Variants in OR2T12 observed in about 807,000 individuals in gnomAD.
OR2T12 encodes the protein olfactory receptor family 2 subfamily T member 12.
For synonymous variants in OR2T12, 127 were observed against 160.5 expected, an observed-to-expected ratio of 0.79 and a Z score of 1.58; for missense variants, 335 against 404.3, an observed-to-expected ratio of 0.83 and a Z score of 1.47.
At chr1:248,297,421 T>A (rs1225926862) in intron 2 of OR2T12, among the ~76,000 whole-genome samples, 1 of 151,962 alleles carries the variant, frequency 6.6e-6, no homozygotes, top group Non-Finnish European at 1.5e-5. Context: ...GGGGATGGCA[T>A]TGAATCTATA....
Position 248,292,337 on chromosome 1 carries a change from A to T in OR2T12, c.*2279T>A, listed in dbSNP as rs1659644377. The T allele has an allele frequency of 6.6e-6, 1 of 152,078 alleles. No individual in the cohort carries two copies. Among genetic ancestry groups the T allele is most frequent in the African/African-American group, 2.4e-5 (1 of 41,428 alleles). The allele number at this position is 152,078 out of a possible 1,614,324, so 9.4% of individuals were successfully genotyped here. On this transcript the variant is annotated 3_prime_UTR_variant, in exon 3 of 3. Coordinates refer to ENST00000641276, the MANE Select transcript of OR2T12 (RefSeq NM_001004692.2). ...CCTCATTCAAAATTTTGTTTCTACC[A>T]TTCATGCTCTTGTATACTCTGTCTC...
intron 2 of OR2T12, among the ~76,000 whole-genome samples, chr1:248,299,247 G>A (rs1350454271): frequency 6.6e-6 from 1 of 152,176 alleles, no homozygotes; most frequent in African/African-American, 2.4e-5. Flanking sequence ...TGGCACATTG[G>A]ATAAAGAGTC....
intron 2 of OR2T12, among the ~76,000 whole-genome samples, chr1:248,298,229 G>T (rs1291493518): frequency 6.6e-6 from 1 of 152,120 alleles, no homozygotes; most frequent in Non-Finnish European, 1.5e-5. Flanking sequence ...TAAGCTTTTT[G>T]ATGAGTTGCT....
In OR2T12 at chr1:248,292,978, G is replaced by C. The variant is rs1196403430; in HGVS notation, c.*1638C>G. On this transcript the variant is annotated 3_prime_UTR_variant, in exon 3 of 3. Coordinates refer to ENST00000641276, the MANE Select transcript of OR2T12 (RefSeq NM_001004692.2). ...ACCCATTCTAAGAGAAGATTTTTTA[G>C]ATGGTATAATGACAGAATTTGTGCA... The C allele has an allele frequency of 6.6e-6, 1 of 152,076 alleles. No homozygotes were observed. The highest frequency in any genetic ancestry group is 6.6e-5 in the Admixed American group (1 of 15,266). 9.4% of individuals were successfully genotyped at this position (152,076 alleles called of 1,614,324 possible).
chr1:248,295,666 T>A (rs1413235379), intron 2 of OR2T12, 80 bp from the exon 3 acceptor site: 1 of 1,504,428 alleles, frequency 6.6e-7, no homozygotes, highest in African/African-American at 1.4e-5. Context: ...GCACAGTTTC[T>A]GGACATATGT....
In OR2T12 at chr1:248,292,796, G is replaced by A. The variant is rs1040170085; in HGVS notation, c.*1820C>T. ...GTTTTAGTTTTCTCCTGAACATTAGGCTTAATTTTCTGGTTAGAATATTTT... is the reference window on the plus strand; with the variant it reads ...GTTTTAGTTTTCTCCTGAACATTAGACTTAATTTTCTGGTTAGAATATTTT... On this transcript the variant is annotated 3_prime_UTR_variant, in exon 3 of 3. Coordinates refer to ENST00000641276, the MANE Select transcript of OR2T12 (RefSeq NM_001004692.2). 1.3e-5 allele frequency: 2 copies of A among 151,856 alleles called. No individual in the cohort carries two copies. Among genetic ancestry groups the A allele is most frequent in the Non-Finnish European group, 2.9e-5 (2 of 67,904 alleles). 9.4% of individuals were successfully genotyped at this position (151,856 alleles called of 1,614,324 possible).
rs1279210960 is a variant in OR2T12, at chr1:248,293,905, C to A, written c.*711G>T. 1 of 151,570 alleles carries A rather than the reference C, an allele frequency of 6.6e-6. No individual in the cohort carries two copies. The highest frequency in any genetic ancestry group is 2.4e-5 in the African/African-American group (1 of 41,314). 9.4% of individuals were successfully genotyped at this position (151,570 alleles called of 1,614,324 possible). A position where few individuals can be genotyped will look rare whatever the true frequency, so the allele number is the denominator to read the frequency against. ...ATTTAAAAAAGTTTGCCTTAAAACACCAAATAAAAAGAGACTGGAAAAAAT... is the reference window on the plus strand; with the variant it reads ...ATTTAAAAAAGTTTGCCTTAAAACAACAAATAAAAAGAGACTGGAAAAAAT... On this transcript the variant is annotated 3_prime_UTR_variant, in exon 3 of 3. Transcript: ENST00000641276.
At position 248,291,827 on chromosome 1, in the gene OR2T12, T is replaced by C. The variant is rs1327201363; in HGVS notation, c.*2789A>G. On this transcript the variant is annotated 3_prime_UTR_variant, in exon 3 of 3. Coordinates refer to ENST00000641276, the MANE Select transcript of OR2T12 (RefSeq NM_001004692.2). ...TGACAAACCTGACAAAAACAAGCAA[T>C]GGGGAAAGGATTCCCTATTTAATAA... 6.6e-6 allele frequency: 1 copy of C among 152,088 alleles called. No individual in the cohort carries two copies. Among genetic ancestry groups the C allele is most frequent in the Admixed American group, 6.6e-5 (1 of 15,258 alleles). The allele number at this position is 152,088 out of a possible 1,614,324, so 9.4% of individuals were successfully genotyped here.
At position 248,292,609 on chromosome 1, in the gene OR2T12, T is replaced by C. The variant is rs1331828391; in HGVS notation, c.*2007A>G. On this transcript the variant is annotated 3_prime_UTR_variant, in exon 3 of 3. Transcript: ENST00000641276. ...AATGAACATATAATTTCTAAAAGTA[T>C]TTAAAATTTTTATTTCATATTTATT... 6.6e-6 allele frequency: 1 copy of C among 152,154 alleles called. No homozygotes were observed. The highest frequency in any genetic ancestry group is 2.4e-5 in the African/African-American group (1 of 41,462). 9.4% of individuals were successfully genotyped at this position (152,154 alleles called of 1,614,324 possible).
intron 2 of OR2T12, among the ~76,000 whole-genome samples, chr1:248,296,914 A>T (rs1659736821): frequency 6.6e-6 from 1 of 152,176 alleles, no homozygotes; most frequent in Admixed American, 6.5e-5. Flanking sequence ...TGTTTTAGAC[A>T]TGAAGTCCTT....
At chr1:248,301,252 T>C (rs1659807949) in intron 2 of OR2T12, 121 bp downstream of exon 2, 2 of 152,146 alleles carry the variant, frequency 1.3e-5, no homozygotes, top group Non-Finnish European at 2.9e-5. Context: ...ATGCCTTCTA[T>C]ATTAAGATCC....
chr1:248,296,734 A>G (rs1201209475), intron 2 of OR2T12, among the ~76,000 whole-genome samples: 2 of 151,988 alleles, frequency 1.3e-5, no homozygotes, highest in Non-Finnish European at 2.9e-5. Context: ...GTTTGAGTTC[A>G]TTGTAGATTC....
At position 248,294,922 on chromosome 1, in the gene OR2T12, G is replaced by T; in HGVS notation, c.657C>A (p.Ile219=). ...FSLILSSYGL[I]LAAVLLMRST... ...AGCGCATGAGCAGAACAGCAGCGAG[G>T]ATGAGACCATAGGAGGACAGGATGA... The change falls in exon 3 of 3, where the codon ATC becomes ATA. Residue 219 remains isoleucine (I), a synonymous_variant. Coordinates refer to ENST00000641276, the MANE Select transcript of OR2T12 (RefSeq NM_001004692.2). The T allele has an allele frequency of 1.2e-6, 2 of 1,611,908 alleles. No individual in the cohort carries two copies. The highest frequency in any genetic ancestry group is 2.2e-5 in the South Asian group (2 of 90,986).
chr1:248,298,137 A>G (rs1336811927), intron 2 of OR2T12, among the ~76,000 whole-genome samples: 1 of 152,122 alleles, frequency 6.6e-6, no homozygotes, highest in Non-Finnish European at 1.5e-5. Context: ...GGCTCTGTTT[A>G]TATGCTGGAT....
intron 2 of OR2T12, among the ~76,000 whole-genome samples, chr1:248,299,508 C>G (rs1468986736): frequency 6.6e-6 from 1 of 152,104 alleles, no homozygotes; most frequent in Non-Finnish European, 1.5e-5. Context: ...TATATGCACC[C>G]AATACAGGAG....
In OR2T12 at chr1:248,294,657, T is replaced by C. The variant is rs769669061; in HGVS notation, c.922A>G (p.Asn308Asp). 1.2e-6 allele frequency: 2 copies of C among 1,614,158 alleles called. No individual in the cohort carries two copies. The highest frequency in any genetic ancestry group is 4.5e-5 in the East Asian group (2 of 44,882). Residue 308 changes from asparagine to aspartate, a missense_variant, in exon 3 of 3, where the codon AAC becomes GAC. Asn to Asp is a conservative substitution (Grantham distance 23). Transcript: ENST00000641276. ...GCCTCATTTTGCTGGTGTTTTAGGT[T>C]TACACACGTCCCCAGCCACCGTTTC... is the stretch of plus-strand genomic sequence containing the variant. Reference protein sequence around the residue: ...ALKRWLGTCVNLKHQQNEAHR... With the variant: ...ALKRWLGTCVDLKHQQNEAHR...
At chr1:248,298,141 G>A (rs902499048) in intron 2 of OR2T12, among the ~76,000 whole-genome samples, 5 of 152,064 alleles carry the variant, frequency 3.3e-5, no homozygotes, top group Admixed American at 6.6e-5. Context: ...CTGTTTATAT[G>A]CTGGATTACA....
intron 2 of OR2T12, among the ~76,000 whole-genome samples, chr1:248,299,818 A>G (rs1173892624): frequency 1.3e-5 from 2 of 152,174 alleles, no homozygotes; most frequent in African/African-American, 4.8e-5. Flanking sequence ...AAAAGAACAG[A>G]AATTATAACA....
rs1266234976 is a variant in OR2T12, at chr1:248,293,565, T to G, written c.*1051A>C. On this transcript the variant is annotated 3_prime_UTR_variant, in exon 3 of 3. Transcript: ENST00000641276. ...CTTTTATTCTTCTGCAAACTCCAAA[T>G]CTTTAAAATGTGTCCCAAATTTTTC... is the stretch of plus-strand genomic sequence containing the variant. 1.3e-5 allele frequency: 2 copies of G among 152,122 alleles called. No homozygotes were observed. Among genetic ancestry groups the G allele is most frequent in the African/African-American group, 4.8e-5 (2 of 41,440 alleles). 9.4% of individuals were successfully genotyped at this position (152,122 alleles called of 1,614,324 possible). A position where few individuals can be genotyped will look rare whatever the true frequency, so the allele number is the denominator to read the frequency against.
Sources: gnomAD v4.1 joint callset for allele counts (sites outside exome capture counted in the v4.1 genomes callset) on GRCh38, gnomAD v4.1.1 for gene constraint, MANE v1.5 for transcripts, NCBI Gene and HGNC (gene_info 2026-07-23, HGNC 2026-07-21) for gene names.